Variants in FUT8 observed in about 807,000 individuals in gnomAD.
FUT8 encodes the protein fucosyltransferase 8.
A neutral mutation model predicts 71.3 loss-of-function variants in FUT8; 29 were observed. That is an observed-to-expected ratio of 0.41 (90% CI 0.30 to 0.55). FUT8 has a LOEUF of 0.55. Ranked by LOEUF, FUT8 falls within the 20% of genes least tolerant of loss-of-function variation. The pLI, the probability that FUT8 is intolerant of heterozygous loss-of-function variation, is 0.34. For missense variants in FUT8, 544 were observed against 702.1 expected (o/e 0.77, Z 2.55); for synonymous variants, 254 against 239.3 (o/e 1.06, Z -0.57).
chr14:65,378,495 T>C, the FUT8 span, among the ~76,000 whole-genome samples: 1 of 152,150 alleles, frequency 6.6e-6, no homozygotes, highest in African/African-American at 2.4e-5. Flanking sequence ...AACAAGACTC[T>C]AGGAGAGAAA....
chr14:65,456,201 T>C (rs1197563052), intron 2 of FUT8, among the ~76,000 whole-genome samples: 1 of 152,216 alleles, frequency 6.6e-6, no homozygotes, highest in Admixed American at 6.5e-5. Flanking sequence ...AAACATTCTC[T>C]AAACCTTCCA....
chr14:65,408,209 G>T (rs35086691), upstream of FUT8, among the ~76,000 whole-genome samples: 15,085 of 152,126 alleles, frequency 0.099, 1,021 homozygotes, highest in Non-Finnish European at 0.15. Context: ...AAGTTAAGCC[G>T]AGAGAGGCTT....
chr14:65,566,786 T>C (rs1886218974), intron 3 of FUT8, among the ~76,000 whole-genome samples: 1 of 151,978 alleles, frequency 6.6e-6, no homozygotes, highest in Non-Finnish European at 1.5e-5. Flanking sequence ...TTAGAACACA[T>C]GTAGTGGGCC....
chr14:65,504,885 T>C lies in FUT8; in HGVS notation c.-228+49167T>C, dbSNP rs534849273. On this transcript the variant is annotated intron_variant, in intron 2 of 10. Transcript: ENST00000673929. The stretch of plus-strand genomic sequence containing the variant: ...TGAACCCAGGAGGCAGAGGTTGCAG[T>C]GAGCTGAGATTGTGCCATTGCACGC... 1.3e-5 allele frequency among the ~76,000 whole-genome samples: 2 copies of C among 152,164 alleles called. 1 individual carries two copies. Among genetic ancestry groups the C allele is most frequent in the South Asian group, 4.1e-4 (2 of 4,820 alleles).
At chr14:65,651,168 T>A (rs973036720) in intron 6 of FUT8, among the ~76,000 whole-genome samples, 3 of 152,062 alleles carry the variant, frequency 2.0e-5, no homozygotes, top group African/African-American at 7.2e-5. Context: ...GAGGGAGGAT[T>A]AAAAAGAGGA....
At chr14:65,712,482 T>C (rs1177573105) in intron 7 of FUT8, among the ~76,000 whole-genome samples, 2 of 152,222 alleles carry the variant, frequency 1.3e-5, no homozygotes, top group Non-Finnish European at 2.9e-5. Context: ...TTCGCTCTAT[T>C]GCCCAGTCTG....
At chr14:65,365,089 C>G in the FUT8 span, among the ~76,000 whole-genome samples, 2 of 152,200 alleles carry the variant, frequency 1.3e-5, no homozygotes, top group African/African-American at 4.8e-5. Context: ...CCAAGGTATT[C>G]TCCCCTTATT....
chr14:65,498,177 TCTCA>T (rs2066589862), intron 2 of FUT8, among the ~76,000 whole-genome samples: 1 of 152,182 alleles, frequency 6.6e-6, no homozygotes, highest in Non-Finnish European at 1.5e-5. Flanking sequence ...TCCTGGGAAG[TCTCA>T]CTCGACTTTT....
intron 2 of FUT8, among the ~76,000 whole-genome samples, chr14:65,546,495 AGTT>A (rs1399518364): frequency 1.3e-5 from 2 of 151,680 alleles, no homozygotes; most frequent in African/African-American, 2.4e-5. Flanking sequence ...GTATACTGGT[AGTT>A]GTTGTTTTTT....
the FUT8 span, among the ~76,000 whole-genome samples, chr14:65,395,846 C>T: frequency 2.0e-4 from 30 of 152,312 alleles, no homozygotes; most frequent in East Asian, 5.8e-4. Flanking sequence ...GCAAATTTTC[C>T]GAACTTTTAT....
At chr14:65,391,708 G>T in the FUT8 span, among the ~76,000 whole-genome samples, 1 of 149,378 alleles carries the variant, frequency 6.7e-6, no homozygotes. Context: ...GGCTGGTCTC[G>T]AACTCCTGAC....
intron 2 of FUT8, among the ~76,000 whole-genome samples, chr14:65,464,950 G>A (rs1233219497): frequency 2.0e-5 from 3 of 152,170 alleles, no homozygotes; most frequent in Admixed American, 2.0e-4. Flanking sequence ...TATCTTGAGT[G>A]TGGTGCTTTC....
chr14:65,519,416 G>A (rs543468292), intron 2 of FUT8, among the ~76,000 whole-genome samples: 3 of 152,242 alleles, frequency 2.0e-5, no homozygotes, highest in Admixed American at 2.0e-4. Context: ...TTAATGTAAG[G>A]TTATTTATAT....
intron 5 of FUT8, among the ~76,000 whole-genome samples, chr14:65,628,302 T>A (rs1162201930): frequency 1.3e-5 from 2 of 152,158 alleles, no homozygotes; most frequent in Non-Finnish European, 2.9e-5. Flanking sequence ...TAGGTCAAAG[T>A]AGTAATTTTG....
chr14:65,531,824 A>G (rs1883975834), intron 2 of FUT8, among the ~76,000 whole-genome samples: 1 of 152,022 alleles, frequency 6.6e-6, no homozygotes, highest in Non-Finnish European at 1.5e-5. Context: ...CGTTGTGTTT[A>G]TGTGTTCTCA....
Position 65,671,247 on chromosome 14 carries a change from A to G in FUT8, c.835+1767A>G, listed in dbSNP as rs1892464499. Among the ~76,000 whole-genome samples, 3 of 152,106 alleles carry G rather than the reference A, an allele frequency of 2.0e-5. No homozygotes were observed. In the East Asian group the frequency reaches 5.8e-4, roughly 29 times the overall value. On this transcript the variant is annotated intron_variant, in intron 7 of 10. Transcript: ENST00000673929. ...AAGTTACAGATTTATCAGGTTTAAT[A>G]TATAGTTTAGCCCTGCCCGTGTGCT...
chr14:65,485,556 C>G (rs1016657520), intron 2 of FUT8, among the ~76,000 whole-genome samples: 6 of 152,180 alleles, frequency 3.9e-5, no homozygotes, highest in African/African-American at 1.2e-4. Flanking sequence ...GGCAATATTC[C>G]TAAGTCTGCA....
chr14:65,363,361 T>C, the FUT8 span, among the ~76,000 whole-genome samples: 1 of 151,646 alleles, frequency 6.6e-6, no homozygotes, highest in Non-Finnish European at 1.5e-5. Flanking sequence ...CCTCAGGTGA[T>C]CCACTGGCCT....
intron 9 of FUT8, among the ~76,000 whole-genome samples, chr14:65,729,625 C>G (rs1465992998): frequency 6.6e-6 from 1 of 152,064 alleles, no homozygotes; most frequent in Non-Finnish European, 1.5e-5. Context: ...AATGATCCTC[C>G]CACCTCAGCC....
Sources: gnomAD v4.1 joint callset for allele counts (sites outside exome capture counted in the v4.1 genomes callset) on GRCh38, gnomAD v4.1.1 for gene constraint, MANE v1.5 for transcripts, NCBI Gene and HGNC (gene_info 2026-07-23, HGNC 2026-07-21) for gene names.